AURKB: variants seen among roughly 807,000 people sequenced by gnomAD.
The protein encoded by AURKB is aurora kinase B, also known as aurora kinase B-Sv1.
Under a neutral mutation model 36.5 loss-of-function variants are expected in AURKB, and 28 were observed. The observed-to-expected ratio is 0.77, with a 90% CI of 0.57 to 1.05. The LOEUF is 1.05. AURKB is among the 50% of genes least tolerant of loss of function. The probability of loss-of-function intolerance (pLI) is 0.00; values close to 1 mark genes in which losing one functional copy is unlikely to be tolerated. For synonymous variants in AURKB, 175 were observed against 172.9 expected (o/e 1.01, Z -0.09); for missense variants, 383 against 447.4 (o/e 0.86, Z 1.30).
chr17:8,207,879 T>G (rs548053952), intron 2 of AURKB, 39 bp from the exon 3 acceptor site: 1 of 1,531,702 alleles, frequency 6.5e-7, no homozygotes, highest in Non-Finnish European at 8.9e-7. Context: ...GGTGCCTTTG[T>G]CTGATGACCG....
At chr17:8,210,130 C>T (rs1374251541) in intron 2 of AURKB, 47 bp downstream of exon 2, 1 of 1,607,346 alleles carries the variant, frequency 6.2e-7, no homozygotes, top group African/African-American at 1.3e-5. Context: ...AGCAGGAACT[C>T]GCCATGCGGG....
Position 8,206,786 on chromosome 17 carries a change from C to G in AURKB, c.501G>C (p.Gln167His), listed in dbSNP as rs556060247. The G allele has an allele frequency of 6.2e-7, 1 of 1,614,218 alleles. No homozygotes were observed. Among genetic ancestry groups the G allele is most frequent in the Non-Finnish European group, 8.5e-7 (1 of 1,180,042 alleles). The change falls in exon 6 of 9, where the codon CAG becomes CAC. Residue 167 changes from glutamine (Q) to histidine (H), a missense_variant. Gln to His is a conservative substitution (Grantham distance 24). Transcript: ENST00000585124. This position sits in a 1 kb window ranked among gnomAD's most constrained non-coding sequence, Gnocchi z 4.2. ...APRGELYKEL[Q>H]KSCTFDEQRT... is the part of the protein sequence containing the mutation. ...GCTGCTCGTCAAATGTGCAGCTCTTCTGCAGCTCCTTGTAGAGCTCCCCGC... is the reference window on the plus strand; with the variant it reads ...GCTGCTCGTCAAATGTGCAGCTCTTGTGCAGCTCCTTGTAGAGCTCCCCGC...
At position 8,206,290 on chromosome 17, in the gene AURKB, C is replaced by G. The variant is rs1985264839; in HGVS notation, c.686+201G>C. On this transcript the variant is annotated intron_variant, in intron 7 of 8. Coordinates refer to ENST00000585124, the MANE Select transcript of AURKB (RefSeq NM_004217.4). This position sits in a 1 kb window ranked among gnomAD's most constrained non-coding sequence, Gnocchi z 4.2. ...GGATTACTGGCGTCCGCCACCATGG[C>G]CGGCTAATTTTTGTATATTTAGTAG... 6.6e-6 allele frequency among the ~76,000 whole-genome samples: 1 copy of G among 152,074 alleles called. No individual in the cohort carries two copies. The highest frequency in any genetic ancestry group is 2.1e-4 in the South Asian group (1 of 4,824).
At chr17:8,207,872 G>A (rs985617234) in intron 2 of AURKB, 32 bp from the exon 3 acceptor site, 1 of 1,558,500 alleles carries the variant, frequency 6.4e-7, no homozygotes. Flanking sequence ...CTCTGAGGGT[G>A]CCTTTGTCTG....
chr17:8,206,322 G>C lies in AURKB; in HGVS notation c.686+169C>G, dbSNP rs182976560. Among the ~76,000 whole-genome samples the C allele has an allele frequency of 6.6e-6, 1 of 151,896 alleles. No individual in the cohort carries two copies. Among genetic ancestry groups the C allele is most frequent in the Non-Finnish European group, 1.5e-5 (1 of 67,946 alleles). On this transcript the variant is annotated intron_variant, in intron 7 of 8. Transcript: ENST00000585124. The surrounding 1 kb of genome is among the most constrained non-coding windows in gnomAD (Gnocchi z 4.2). ...ATTTTTGTATATTTAGTAGAGACAA[G>C]GTTTCATCATGTTGGCAAATCTAGT...
In AURKB at chr17:8,210,241, G is replaced by T. The variant is rs200465843; in HGVS notation, c.-17C>A. On this transcript the variant is annotated 5_prime_UTR_variant, in exon 2 of 9. Coordinates refer to ENST00000585124, the MANE Select transcript of AURKB (RefSeq NM_004217.4). ...CTGGGCCATCCTTAGAGAGAAAGGGGGAGGAGAGCTGGGCGGAGAAGGGAA... is the reference window on the plus strand; with the variant it reads ...CTGGGCCATCCTTAGAGAGAAAGGGTGAGGAGAGCTGGGCGGAGAAGGGAA... 1.5e-4 allele frequency: 242 copies of T among 1,594,098 alleles called. 3 individuals carry two copies. In the South Asian group the frequency reaches 2.6e-3, roughly 17 times the overall value.
Position 8,207,149 on chromosome 17 carries a change from TTCGGCTCAGGGGGCA to T in AURKB, c.398+12_398+26del. On this transcript the variant is annotated intron_variant, in intron 5 of 8. Transcript: ENST00000585124. ...GCTGGGGGTGAGGGAGCAGAGGGGC[TTCGGCTCAGGGGGCA>T]TCAACCCATACTGCAGGTGGGCCTG... 1 of 1,598,850 alleles carries T rather than the reference TTCGGCTCAGGGGGCA, an allele frequency of 6.3e-7. No homozygotes were observed. Among genetic ancestry groups the T allele is most frequent in the Non-Finnish European group, 8.5e-7 (1 of 1,169,718 alleles).
chr17:8,204,983 A>G lies in AURKB; in HGVS notation c.923T>C (p.Leu308Pro). Reference sequence around the variant, plus strand: ...CAGCCGTTCCGAGGGGTTATGCCTGAGCAGTTTGGAGATGAGGTCCTGGGC... The same window carrying G: ...CAGCCGTTCCGAGGGGTTATGCCTGGGCAGTTTGGAGATGAGGTCCTGGGC... ...MGAQDLISKL[L>P]RHNPSERLPL... The change falls in exon 9 of 9, where the codon CTC becomes CCC. Residue 308 changes from leucine to proline, a missense_variant. Physicochemically the swap from Leu to Pro is moderately conservative, Grantham distance 98. Around this residue, in one of 3 missense-constraint regions of AURKB, gnomAD observed 219 missense variants for 252.6 expected, o/e 0.87. Coordinates refer to ENST00000585124, the MANE Select transcript of AURKB (RefSeq NM_004217.4). 6.2e-7 allele frequency: 1 copy of G among 1,607,980 alleles called. No individual in the cohort carries two copies. The highest frequency in any genetic ancestry group is 8.5e-7 in the Non-Finnish European group (1 of 1,178,412).
rs1466818032 is a variant in AURKB, at chr17:8,205,239, C to T, written c.838G>A (p.Glu280Lys). 12 of 1,613,864 alleles carry T rather than the reference C, an allele frequency of 7.4e-6. No homozygotes were observed. The East Asian group carries it at 1.3e-4, about 18-fold the overall frequency. The change falls in exon 8 of 9, where the codon GAG (glutamate) becomes AAG (lysine). Residue 280 changes from glutamate to lysine, a missense_variant. Glu to Lys is a moderately conservative substitution (Grantham distance 56). Around this residue, in one of 3 missense-constraint regions of AURKB, gnomAD observed 219 missense variants for 252.6 expected, o/e 0.87. Transcript: ENST00000585124. ...NPPFESASHN[E>K]TYRRIVKVDL... The stretch of plus-strand genomic sequence containing the variant: ...ACCTTGACGATGCGGCGATAGGTCT[C>T]GTTGTGTGATGCACTCTCAAAGGGT...
chr17:8,209,932 C>T (rs1466545288), intron 2 of AURKB: 4 of 580,196 alleles, frequency 6.9e-6, no homozygotes, highest in Admixed American at 6.4e-5. Context: ...TTGTATGTGA[C>T]GAGCCCTGCA....
In AURKB at chr17:8,206,908, AG is replaced by A. The variant is rs1985389675; in HGVS notation, c.399-21del. 6.2e-7 allele frequency: 1 copy of A among 1,614,098 alleles called. No individual in the cohort carries two copies. The highest frequency in any genetic ancestry group is 2.2e-5 in the East Asian group (1 of 44,890). ...GGATGGCTGGGGGAAGAGACAGAGGAGGCCTCAGGCCAAAGGCATAAAAGAG... is the reference window on the plus strand; with the variant it reads ...GGATGGCTGGGGGAAGAGACAGAGGAGCCTCAGGCCAAAGGCATAAAAGAG... On this transcript the variant is annotated intron_variant, in intron 5 of 8. Coordinates refer to ENST00000585124, the MANE Select transcript of AURKB (RefSeq NM_004217.4). The surrounding 1 kb of genome is among the most constrained non-coding windows in gnomAD (Gnocchi z 4.2).
intron 1 of AURKB, 30 bp downstream of exon 1, chr17:8,210,500 C>T (rs1985960411): frequency 1.2e-5 from 6 of 490,222 alleles, no homozygotes. Context: ...CCACTCCCGG[C>T]GCAAGGCCTG....
At chr17:8,209,051 C>T (rs983169586) in intron 2 of AURKB, among the ~76,000 whole-genome samples, 2 of 145,324 alleles carry the variant, frequency 1.4e-5, no homozygotes, top group Admixed American at 7.0e-5. Context: ...GATGGAGTCT[C>T]GCTCTATTAC....
At chr17:8,209,170 G>A (rs759292449) in intron 2 of AURKB, among the ~76,000 whole-genome samples, 1 of 152,246 alleles carries the variant, frequency 6.6e-6, no homozygotes, top group East Asian at 1.9e-4. Context: ...ACAGGCACAT[G>A]CCTGGCTAAT....
rs56747013 is a variant in AURKB, at chr17:8,206,351, G to A, written c.686+140C>T. On this transcript the variant is annotated intron_variant, in intron 7 of 8. Transcript: ENST00000585124. The surrounding 1 kb of genome is among the most constrained non-coding windows in gnomAD (Gnocchi z 4.2). The stretch of plus-strand genomic sequence containing the variant: ...TCATCATGTTGGCAAATCTAGTCTC[G>A]AACTCCTGACCTCAGGTGATCCGCC... The A allele has an allele frequency of 4.5e-3, 4,636 of 1,026,822 alleles. 258 individuals carry two copies. In the East Asian group the frequency reaches 0.11, roughly 24 times the overall value. 63.6% of individuals were successfully genotyped at this position (1,026,822 alleles called of 1,614,324 possible).
intron 1 of AURKB, 60 bp from the exon 2 acceptor site, chr17:8,210,309 T>G: frequency 2.6e-6 from 3 of 1,135,570 alleles, no homozygotes; most frequent in Non-Finnish European, 3.9e-6. Context: ...GAGGGAGGGG[T>G]TGGACCGATC....
chr17:8,204,994 G>C lies in AURKB; in HGVS notation c.912C>G (p.Ile304Met). The change falls in exon 9 of 9, where the codon ATC becomes ATG. Residue 304 changes from isoleucine to methionine, a missense_variant. By Grantham distance (10) the Ile-to-Met change is conservative (BLOSUM62 1). Coordinates refer to ENST00000585124, the MANE Select transcript of AURKB (RefSeq NM_004217.4). ...AGGGGTTATGCCTGAGCAGTTTGGA[G>C]ATGAGGTCCTGGGCTCCCATGGGCA... Reference protein sequence around the residue: ...ASVPMGAQDLISKLLRHNPSE... With the variant: ...ASVPMGAQDLMSKLLRHNPSE... 6.2e-7 allele frequency: 1 copy of C among 1,606,094 alleles called. No individual in the cohort carries two copies. Among genetic ancestry groups the C allele is most frequent in the South Asian group, 1.1e-5 (1 of 90,880 alleles).
Position 8,207,298 on chromosome 17 carries a change from G to A in AURKB, c.276C>T (p.Tyr92=). 6.2e-7 allele frequency: 1 copy of A among 1,614,194 alleles called. No homozygotes were observed. The highest frequency in any genetic ancestry group is 1.1e-5 in the South Asian group (1 of 91,082). The change falls in exon 5 of 9, where the codon TAC becomes TAT. Residue 92 remains tyrosine (Y), a synonymous_variant. Coordinates refer to ENST00000585124, the MANE Select transcript of AURKB (RefSeq NM_004217.4). ...AATGGCTTTTCTTCTCCCGAGCCAA[G>A]TACACGTTTCCAAACTTGCCTTTGC... The part of the protein sequence containing the change: ...PLGKGKFGNV[Y]LAREKKSHFI...
chr17:8,204,942 A>C lies in AURKB; in HGVS notation c.964T>G (p.Ser322Ala). ...PSERLPLAQV[S>A]AHPWVRANSR... Reference sequence around the variant, plus strand: ...TTGGCCCGGACCCAAGGGTGGGCTGAGACCTGGGCCAGGGGCAGCCGTTCC... The same window carrying C: ...TTGGCCCGGACCCAAGGGTGGGCTGCGACCTGGGCCAGGGGCAGCCGTTCC... Residue 322 changes from serine to alanine, a missense_variant, in exon 9 of 9, where the codon TCA becomes GCA. Around this residue, in one of 3 missense-constraint regions of AURKB, gnomAD observed 219 missense variants for 252.6 expected, o/e 0.87. Coordinates refer to ENST00000585124, the MANE Select transcript of AURKB (RefSeq NM_004217.4). 1 of 1,608,772 alleles carries C rather than the reference A, an allele frequency of 6.2e-7. No homozygotes were observed. Among genetic ancestry groups the C allele is most frequent in the Non-Finnish European group, 8.5e-7 (1 of 1,178,784 alleles).
Sources: allele counts gnomAD v4.1 joint callset (sites outside exome capture counted in the v4.1 genomes callset), GRCh38; gene constraint gnomAD v4.1.1; regional missense constraint gnomAD v4.1.1; non-coding constraint Gnocchi (gnomAD v3.1); transcripts MANE v1.5; gene names NCBI Gene and HGNC (gene_info 2026-07-23, HGNC 2026-07-21).